The following FILIP1L variants were observed in gnomAD, a reference collection of about 807,000 sequenced individuals.
The protein encoded by FILIP1L is filamin A-interacting protein 1-like.
In FILIP1L, 55 loss-of-function variants were observed where a neutral mutation model predicts 96.6. The ratio of observed to expected loss-of-function variants is 0.57; its 90% CI spans 0.46 to 0.71. FILIP1L has a LOEUF of 0.71. FILIP1L is among the 30% of genes least tolerant of loss of function. The pLI, the probability that FILIP1L is intolerant of heterozygous loss-of-function variation, is 0.00. For synonymous variants in FILIP1L, 467 were observed against 473.9 expected, an observed-to-expected ratio of 0.99 and a Z score of 0.19; for missense variants, 1,304 against 1,321.2, an observed-to-expected ratio of 0.99 and a Z score of 0.20.
intron 1 of FILIP1L, among the ~76,000 whole-genome samples, chr3:99,963,360 A>G (rs1341562693): frequency 1.3e-5 from 2 of 152,208 alleles, no homozygotes; most frequent in Admixed American, 6.5e-5. Context: ...GTTTGAAGTC[A>G]TGATCCGTGG....
chr3:99,841,834 A>G (rs2107506705), intron 5 of FILIP1L, among the ~76,000 whole-genome samples: 1 of 152,316 alleles, frequency 6.6e-6, no homozygotes, highest in South Asian at 2.1e-4. Flanking sequence ...TTAAAAAATA[A>G]TAGATGTTGG....
At chr3:99,914,507 C>A (rs781020969) in intron 4 of FILIP1L, among the ~76,000 whole-genome samples, 1 of 152,106 alleles carries the variant, frequency 6.6e-6, no homozygotes, top group African/African-American at 2.4e-5. Flanking sequence ...ATGTCATTAA[C>A]ATTCACTTTA....
chr3:100,110,149 C>T (rs538499463), intron 1 of FILIP1L: 70 of 152,138 alleles, frequency 4.6e-4, no homozygotes, highest in African/African-American at 1.6e-3. Flanking sequence ...AAAATTTGAA[C>T]TACTAACTGC....
intron 1 of FILIP1L, among the ~76,000 whole-genome samples, chr3:100,105,894 T>G (rs1364963797): frequency 6.6e-6 from 1 of 152,204 alleles, no homozygotes; most frequent in East Asian, 1.9e-4. Context: ...AAAACTTTTT[T>G]TTAATCAATG....
chr3:99,917,226 T>G (rs1003848116), intron 4 of FILIP1L, among the ~76,000 whole-genome samples: 1 of 152,200 alleles, frequency 6.6e-6, no homozygotes, highest in African/African-American at 2.4e-5. Context: ...ATCTCCTTTT[T>G]GCCTGATCTT....
intron 1 of FILIP1L, among the ~76,000 whole-genome samples, chr3:100,044,696 T>G (rs2065253067): frequency 6.6e-6 from 1 of 152,218 alleles, no homozygotes; most frequent in Non-Finnish European, 1.5e-5. Flanking sequence ...ATTTTTTTAA[T>G]GAGGTAAAAA....
At chr3:99,889,370 T>C (rs1706012068) in intron 4 of FILIP1L, among the ~76,000 whole-genome samples, 1 of 152,128 alleles carries the variant, frequency 6.6e-6, no homozygotes, top group Non-Finnish European at 1.5e-5. Context: ...GTTCATTTTG[T>C]TTGATATTAA....
At chr3:99,884,748 C>G (rs528681670) in intron 4 of FILIP1L, among the ~76,000 whole-genome samples, 1 of 152,190 alleles carries the variant, frequency 6.6e-6, no homozygotes, top group Non-Finnish European at 1.5e-5. Flanking sequence ...TGACTGTTAG[C>G]TTTCAGTTCA....
intron 4 of FILIP1L, among the ~76,000 whole-genome samples, chr3:99,873,901 AATTATT>A (rs1181541776): frequency 6.6e-6 from 1 of 152,212 alleles, no homozygotes; most frequent in African/African-American, 2.4e-5. Flanking sequence ...CTAAGCATAA[AATTATT>A]ATGTGCTTTA....
At chr3:99,908,816 A>G (rs1453588970) in intron 4 of FILIP1L, among the ~76,000 whole-genome samples, 1 of 152,140 alleles carries the variant, frequency 6.6e-6, no homozygotes, top group Non-Finnish European at 1.5e-5. Context: ...CTTTCTTTGT[A>G]TTTTTTGTAT....
At chr3:99,915,365 A>C (rs1482179464) in intron 4 of FILIP1L, among the ~76,000 whole-genome samples, 1 of 152,202 alleles carries the variant, frequency 6.6e-6, no homozygotes, top group Non-Finnish European at 1.5e-5. Flanking sequence ...AAATATATCA[A>C]AAGTAAGCCC....
intron 1 of FILIP1L, among the ~76,000 whole-genome samples, chr3:100,110,338 C>T (rs555104605): frequency 4.3e-4 from 66 of 152,188 alleles, no homozygotes; most frequent in African/African-American, 1.5e-3. Flanking sequence ...AAGCAGCTGC[C>T]TCTGTATTTT....
chr3:99,950,080 C>T (rs1382627559), intron 1 of FILIP1L, among the ~76,000 whole-genome samples: 1 of 152,144 alleles, frequency 6.6e-6, no homozygotes, highest in Non-Finnish European at 1.5e-5. Flanking sequence ...TTTAAGGTGT[C>T]ACTTAGTCAC....
intron 1 of FILIP1L, among the ~76,000 whole-genome samples, chr3:99,970,542 T>C (rs943973461): frequency 6.6e-6 from 1 of 152,262 alleles, no homozygotes; most frequent in Non-Finnish European, 1.5e-5. Context: ...TCTCTACATT[T>C]TGCCTAACTG....
chr3:100,079,081 G>A (rs1211001823), intron 1 of FILIP1L, among the ~76,000 whole-genome samples: 1 of 152,150 alleles, frequency 6.6e-6, no homozygotes. Flanking sequence ...GCATTCAGCT[G>A]AGGCTGAAAT....
At chr3:99,875,600 C>G (rs1022665680) in intron 4 of FILIP1L, among the ~76,000 whole-genome samples, 1 of 152,080 alleles carries the variant, frequency 6.6e-6, no homozygotes, top group Non-Finnish European at 1.5e-5. Context: ...AGATGTATTC[C>G]TAACAGTGTT....
At chr3:99,925,904 G>A in intron 3 of FILIP1L, 1 of 985,160 alleles carries the variant, frequency 1.0e-6, no homozygotes, top group East Asian at 1.1e-4. Flanking sequence ...GCCCAGCACG[G>A]GGTAAGCTGC....
intron 4 of FILIP1L, chr3:99,874,479 G>A (rs1705402913): frequency 6.6e-6 from 1 of 152,104 alleles, no homozygotes; most frequent in Non-Finnish European, 1.5e-5. Flanking sequence ...TCATTATGGT[G>A]GGCTTCCCTA....
At chr3:99,976,142 C>G (rs999027433) in intron 1 of FILIP1L, among the ~76,000 whole-genome samples, 30 of 152,140 alleles carry the variant, frequency 2.0e-4, no homozygotes, top group African/African-American at 7.0e-4. Context: ...GCCTCAGCCT[C>G]CCAAAGTACT....
Sources: gnomAD v4.1 joint callset for allele counts (sites outside exome capture counted in the v4.1 genomes callset) on GRCh38, gnomAD v4.1.1 for gene constraint, MANE v1.5 for transcripts, NCBI Gene and HGNC (gene_info 2026-07-23, HGNC 2026-07-21) for gene names.